The following ADAMTSL1 variants were observed in gnomAD, a reference collection of about 807,000 sequenced individuals.
The protein encoded by ADAMTSL1 is ADAMTS-like protein 1.
ADAMTSL1 carries 126 observed loss-of-function variants against 201.8 expected under a neutral mutation model. The ratio of observed to expected loss-of-function variants is 0.62; its 90% CI spans 0.54 to 0.72. The LOEUF (loss-of-function observed/expected upper bound fraction) is 0.72. ADAMTSL1 is among the 30% of genes least tolerant of loss of function. ADAMTSL1 has a pLI of 0.00. For synonymous variants in ADAMTSL1, 1,121 were observed against 903.4 expected, an observed-to-expected ratio of 1.24 and a Z score of -4.32; for missense variants, 2,679 against 2,277.8, an observed-to-expected ratio of 1.18 and a Z score of -3.59.
chr9:18,039,073 A>C (rs991297876), intron 1 of ADAMTSL1, among the ~76,000 whole-genome samples: 1 of 152,236 alleles, frequency 6.6e-6, no homozygotes, highest in African/African-American at 2.4e-5. Flanking sequence ...GACCTCAGGT[A>C]TAATAACATC....
intron 11 of ADAMTSL1, 113 bp from the exon 12 acceptor site, chr9:18,681,699 G>GA: frequency 3.5e-6 from 1 of 287,436 alleles, no homozygotes. Flanking sequence ...TCCTCGTGTG[G>GA]GGGGGGGGGG....
intron 2 of ADAMTSL1, among the ~76,000 whole-genome samples, chr9:18,516,989 A>G (rs1818398523): frequency 6.6e-6 from 1 of 152,228 alleles, no homozygotes. Context: ...AAAATAATTC[A>G]TAAATTTCTA....
rs1447713115 is a variant in ADAMTSL1 at position 18,622,668 on chromosome 9, T to C, written c.601+299T>C. On this transcript the variant is annotated intron_variant, in intron 5 of 28. Coordinates refer to ENST00000380548, the MANE Select transcript of ADAMTSL1 (RefSeq NM_001040272.6). ...TTTGCTGTCCAACATGAGGACAGAC[T>C]GTATCCCAGCTCCTGCGTGATGTGT... 3 of 533,708 alleles carry C rather than the reference T, an allele frequency of 5.6e-6. No individual in the cohort carries two copies. In the South Asian group the frequency reaches 8.9e-5, roughly 16 times the overall value. 33.1% of individuals were successfully genotyped at this position (533,708 alleles called of 1,614,324 possible). A position where few individuals can be genotyped will look rare whatever the true frequency, so the allele number is the denominator to read the frequency against.
At chr9:18,096,446 T>C (rs555667065) in intron 1 of ADAMTSL1, among the ~76,000 whole-genome samples, 1 of 152,286 alleles carries the variant, frequency 6.6e-6, no homozygotes, top group South Asian at 2.1e-4. Flanking sequence ...TGCTGTTCAA[T>C]ATAGTAGCCA....
At chr9:17,922,122 G>A (rs1032043720) in intron 1 of ADAMTSL1, among the ~76,000 whole-genome samples, 11 of 151,254 alleles carry the variant, frequency 7.3e-5, no homozygotes, top group African/African-American at 1.5e-4. Context: ...TGGAGATGAG[G>A]TGAAATGAAT....
intron 22 of ADAMTSL1, 99 bp downstream of exon 22, chr9:18,826,562 TAAAAG>T: frequency 7.2e-7 from 1 of 1,389,702 alleles, no homozygotes; most frequent in Non-Finnish European, 9.7e-7. Context: ...ATTAAGGACA[TAAAAG>T]GTAAAATTGA....
intron 1 of ADAMTSL1, among the ~76,000 whole-genome samples, chr9:18,115,089 C>A (rs377332126): frequency 6.6e-6 from 1 of 152,126 alleles, no homozygotes; most frequent in South Asian, 2.1e-4. Context: ...AACTTTACAT[C>A]GGTCAGCTGA....
intron 1 of ADAMTSL1, among the ~76,000 whole-genome samples, chr9:17,919,248 T>G (rs1280476679): frequency 6.6e-6 from 1 of 151,740 alleles, no homozygotes; most frequent in Non-Finnish European, 1.5e-5. Context: ...TTTTTTCTAG[T>G]ACACTTCCTT....
At chr9:18,317,164 G>T (rs1834434109) in intron 2 of ADAMTSL1, among the ~76,000 whole-genome samples, 1 of 152,112 alleles carries the variant, frequency 6.6e-6, no homozygotes, top group South Asian at 2.1e-4. Flanking sequence ...CTTATATGTG[G>T]TGTGGAATCT....
chr9:18,573,542 A>T (rs1162603712), intron 3 of ADAMTSL1, among the ~76,000 whole-genome samples: 2 of 152,228 alleles, frequency 1.3e-5, no homozygotes, highest in Non-Finnish European at 2.9e-5. Flanking sequence ...AAAAAATTAC[A>T]ACTCCACAAA....
intron 3 of ADAMTSL1, among the ~76,000 whole-genome samples, chr9:18,534,000 G>A (rs1259674820): frequency 1.3e-5 from 2 of 152,160 alleles, no homozygotes; most frequent in South Asian, 2.1e-4. Flanking sequence ...TTGGAGGCAG[G>A]AATGTCTGAG....
intron 15 of ADAMTSL1, among the ~76,000 whole-genome samples, chr9:18,748,058 C>G (rs1169360277): frequency 6.6e-6 from 1 of 152,176 alleles, no homozygotes; most frequent in Admixed American, 6.5e-5. Flanking sequence ...TGGGCAGGGT[C>G]AAGCCAGGAG....
intron 3 of ADAMTSL1, among the ~76,000 whole-genome samples, chr9:18,554,265 T>A (rs1259438816): frequency 6.6e-6 from 1 of 151,850 alleles, no homozygotes; most frequent in Non-Finnish European, 1.5e-5. Context: ...TTATTTTGCA[T>A]CCTGTGTCTG....
At chr9:17,939,356 A>G (rs1473917751) in intron 1 of ADAMTSL1, among the ~76,000 whole-genome samples, 2 of 150,664 alleles carry the variant, frequency 1.3e-5, no homozygotes, top group Non-Finnish European at 3.0e-5. Flanking sequence ...TTTTTGTTCT[A>G]TTCAAACTAG....
At chr9:18,051,325 A>G (rs1038880426) in intron 1 of ADAMTSL1, among the ~76,000 whole-genome samples, 3 of 151,928 alleles carry the variant, frequency 2.0e-5, no homozygotes, top group Non-Finnish European at 4.4e-5. Context: ...ATATATCCAC[A>G]CTATATAACA....
At chr9:18,194,670 C>T (rs1829101937) in intron 2 of ADAMTSL1, among the ~76,000 whole-genome samples, 1 of 151,964 alleles carries the variant, frequency 6.6e-6, no homozygotes, top group African/African-American at 2.4e-5. Flanking sequence ...GCCTCGTGGC[C>T]CAGGGTCTAG....
At chr9:18,760,704 G>C (rs1820026153) in intron 16 of ADAMTSL1, among the ~76,000 whole-genome samples, 1 of 151,880 alleles carries the variant, frequency 6.6e-6, no homozygotes, top group African/African-American at 2.4e-5. Context: ...TAATGTCTCA[G>C]AATAATTTTC....
intron 1 of ADAMTSL1, among the ~76,000 whole-genome samples, chr9:18,478,552 C>T (rs1260891839): frequency 1.3e-5 from 2 of 152,112 alleles, no homozygotes; most frequent in African/African-American, 4.8e-5. Flanking sequence ...TTTCTTTGGT[C>T]AAGTGACAGC....
chr9:18,638,574 T>C (rs758790954), intron 6 of ADAMTSL1, among the ~76,000 whole-genome samples: 1 of 152,116 alleles, frequency 6.6e-6, no homozygotes, highest in Non-Finnish European at 1.5e-5. Context: ...GGCTTTGTCA[T>C]TGGCCAAATC....
Sources: allele counts gnomAD v4.1 joint callset (sites outside exome capture counted in the v4.1 genomes callset), GRCh38; gene constraint gnomAD v4.1.1; transcripts MANE v1.5; gene names NCBI Gene and HGNC (gene_info 2026-07-23, HGNC 2026-07-21).